CEP128: variants seen among roughly 807,000 people sequenced by gnomAD.
CEP128 encodes the protein centrosomal protein 128, also known as centrosomal protein 128kDa.
In CEP128, 132 loss-of-function variants were observed where a neutral mutation model predicts 156.7. That is an observed-to-expected ratio of 0.84 (90% confidence interval 0.73 to 0.97). The LOEUF (loss-of-function observed/expected upper bound fraction) is 0.97. Among genes scored for constraint, CEP128 ranks in the 50% least tolerant of loss-of-function variants. CEP128 has a pLI of 0.00. For synonymous variants in CEP128, 469 were observed against 448.9 expected, an observed-to-expected ratio of 1.04 and a Z score of -0.57; for missense variants, 1,252 against 1,281.9, an observed-to-expected ratio of 0.98 and a Z score of 0.36.
chr14:80,612,105 C>T (rs960382522), intron 19 of CEP128, among the ~76,000 whole-genome samples: 3 of 151,722 alleles, frequency 2.0e-5, no homozygotes, highest in Admixed American at 1.3e-4. Flanking sequence ...TATGAGTACC[C>T]GGTAATAGGA....
intron 16 of CEP128, among the ~76,000 whole-genome samples, chr14:80,777,493 A>G (rs538299589): frequency 2.2e-4 from 34 of 152,326 alleles, no homozygotes; most frequent in Admixed American, 6.5e-5. Flanking sequence ...ATTCTGTTAT[A>G]GCAGCTCAAA....
intron 15 of CEP128, among the ~76,000 whole-genome samples, chr14:80,784,457 G>A (rs909145650): frequency 5.3e-5 from 8 of 152,180 alleles, no homozygotes; most frequent in Admixed American, 5.2e-4. Flanking sequence ...TGGAAAAGAA[G>A]GAGTAAATCT....
intron 13 of CEP128, among the ~76,000 whole-genome samples, chr14:80,814,997 G>A (rs1264026898): frequency 2.0e-5 from 3 of 152,124 alleles, no homozygotes; most frequent in African/African-American, 7.2e-5. Context: ...GGCAGAGATT[G>A]TAGTGAGCCG....
chr14:80,597,023 C>A (rs1473888068), intron 19 of CEP128, among the ~76,000 whole-genome samples: 4 of 143,742 alleles, frequency 2.8e-5, no homozygotes, highest in East Asian at 4.2e-4. Context: ...TAAAAAAAAA[C>A]AAAAAACCAG....
intron 19 of CEP128, among the ~76,000 whole-genome samples, chr14:80,600,878 G>A (rs569763072): frequency 1.3e-5 from 2 of 148,784 alleles, no homozygotes; most frequent in Non-Finnish European, 3.0e-5. Context: ...GGAAATATAA[G>A]GTAACAGAAT....
At chr14:80,921,919 C>T (rs538350358) in intron 2 of CEP128, among the ~76,000 whole-genome samples, 2 of 150,702 alleles carry the variant, frequency 1.3e-5, no homozygotes, top group African/African-American at 2.4e-5. Context: ...GCCAAGATCA[C>T]GCCACTGCAC....
intron 2 of CEP128, among the ~76,000 whole-genome samples, chr14:80,929,893 C>A (rs75947761): frequency 2.0e-5 from 3 of 152,230 alleles, no homozygotes; most frequent in African/African-American, 7.2e-5. Context: ...GGACCACTAC[C>A]AGTCCGTGGC....
intron 21 of CEP128, among the ~76,000 whole-genome samples, chr14:80,558,204 T>G (rs1003498896): frequency 2.0e-5 from 3 of 152,164 alleles, no homozygotes; most frequent in African/African-American, 7.2e-5. Flanking sequence ...CCATTTAATA[T>G]TATAAGCCTT....
chr14:80,501,505 T>G (rs1176746937), intron 24 of CEP128, among the ~76,000 whole-genome samples: 1 of 152,008 alleles, frequency 6.6e-6, no homozygotes, highest in Admixed American at 6.6e-5. Context: ...TTCTTTTCTT[T>G]TTCTTTTTCT....
Position 80,710,053 on chromosome 14 carries a change from TTGAGGATA to T in CEP128, c.2806+33014_2806+33021del, listed in dbSNP as rs554351951. 2.0e-3 allele frequency among the ~76,000 whole-genome samples: 311 copies of T among 151,982 alleles called. 2 individuals carry two copies. The highest frequency in any genetic ancestry group is 6.9e-3 in the African/African-American group (287 of 41,438). On this transcript the variant is annotated intron_variant, in intron 19 of 24. Transcript: ENST00000555265. ...ACCCTGTTTTTGTACCCTGGACCTTTTGAGGATATGAGGATATGAGGATACAAACAGAT... is the reference window on the plus strand; with the variant it reads ...ACCCTGTTTTTGTACCCTGGACCTTTTGAGGATATGAGGATACAAACAGAT...
intron 19 of CEP128, among the ~76,000 whole-genome samples, chr14:80,671,798 A>G (rs1007079020): frequency 1.6e-5 from 2 of 126,000 alleles, no homozygotes; most frequent in African/African-American, 6.2e-5. Context: ...ACTGTTCACA[A>G]TTCACTGATC....
intron 14 of CEP128, among the ~76,000 whole-genome samples, chr14:80,790,939 C>G (rs1464300760): frequency 6.6e-6 from 1 of 152,004 alleles, no homozygotes; most frequent in African/African-American, 2.4e-5. Context: ...ATTTGTAAAT[C>G]AGTATAATTT....
chr14:80,926,140 G>A (rs573501346), intron 2 of CEP128, among the ~76,000 whole-genome samples: 3 of 152,118 alleles, frequency 2.0e-5, no homozygotes, highest in African/African-American at 4.8e-5. Context: ...GGTCAGAACC[G>A]AGGGGTGGGC....
chr14:80,919,722 CTAAAT>C, intron 2 of CEP128, among the ~76,000 whole-genome samples: 1 of 152,176 alleles, frequency 6.6e-6, no homozygotes, highest in African/African-American at 2.4e-5. Flanking sequence ...ACAACATAAA[CTAAAT>C]TATCTCTAAT....
chr14:80,950,654 T>C (rs2139658081), intron 2 of CEP128, among the ~76,000 whole-genome samples: 1 of 152,264 alleles, frequency 6.6e-6, no homozygotes. Context: ...TGTGAGACAA[T>C]TTCAATTAGC....
intron 20 of CEP128, among the ~76,000 whole-genome samples, chr14:80,568,977 T>C (rs972497461): frequency 1.3e-5 from 2 of 152,218 alleles, no homozygotes; most frequent in Non-Finnish European, 2.9e-5. Context: ...AAACTGAGCT[T>C]CACTCTGATT....
chr14:80,550,448 T>C (rs1890164312), intron 21 of CEP128, among the ~76,000 whole-genome samples: 2 of 152,118 alleles, frequency 1.3e-5, no homozygotes, highest in East Asian at 1.9e-4. Flanking sequence ...CAAATAAAAC[T>C]CATTCATATA....
chr14:80,884,048 A>C (rs550203840), intron 8 of CEP128, among the ~76,000 whole-genome samples: 5 of 152,172 alleles, frequency 3.3e-5, no homozygotes, highest in Non-Finnish European at 7.3e-5. Flanking sequence ...CTAGATCCCT[A>C]TCTCTTAACA....
intron 14 of CEP128, among the ~76,000 whole-genome samples, chr14:80,788,294 T>TTC (rs1901522747): frequency 4.1e-5 from 6 of 147,298 alleles, no homozygotes; most frequent in Admixed American, 2.0e-4. Flanking sequence ...GGATCTTTTT[T>TTC]TTTTTTTTTT....
Sources: allele counts gnomAD v4.1 joint callset (sites outside exome capture counted in the v4.1 genomes callset), GRCh38; gene constraint gnomAD v4.1.1; transcripts MANE v1.5; gene names NCBI Gene and HGNC (gene_info 2026-07-23, HGNC 2026-07-21).